The following P2RY8 variants were observed in gnomAD, a reference collection of about 807,000 sequenced individuals.
The protein encoded by P2RY8 is P2Y receptor family member 8, also known as S-geranylgeranyl-glutathione receptor P2RY8.
A neutral mutation model predicts 10.0 loss-of-function variants in P2RY8; 6 were observed. The observed-to-expected ratio is 0.60, with a 90% CI of 0.33 to 1.19. P2RY8 has a LOEUF of 1.19. P2RY8 is among the 50% of genes most tolerant of loss of function. The probability of loss-of-function intolerance (pLI) is 0.04; values close to 1 mark genes in which losing one functional copy is unlikely to be tolerated. For synonymous variants in P2RY8, 276 were observed against 252.5 expected (o/e 1.09, Z -0.88); for missense variants, 456 against 542.0 (o/e 0.84, Z 1.58).
At chrX:1,507,661 G>A (rs2092247378) in intron 1 of P2RY8, among the ~76,000 whole-genome samples, 1 of 152,100 alleles carries the variant, frequency 6.6e-6, no homozygotes, top group Non-Finnish European at 1.5e-5. Context: ...CCCTCCTGTT[G>A]GCGACGCGCG....
chrX:1,487,372 GT>G (rs1473670323), intron 1 of P2RY8, among the ~76,000 whole-genome samples: 1 of 151,960 alleles, frequency 6.6e-6, no homozygotes, highest in South Asian at 2.1e-4. Context: ...GTTTGCAAAC[GT>G]TTTTTTGTGC....
At chrX:1,498,938 G>A (rs773956150) in intron 1 of P2RY8, among the ~76,000 whole-genome samples, 2 of 151,638 alleles carry the variant, frequency 1.3e-5, no homozygotes, top group East Asian at 1.9e-4. Flanking sequence ...GAGTTCAAGC[G>A]ATTCTCCTGC....
In P2RY8 at chrX:1,465,355, C is replaced by A; in HGVS notation, c.*124G>T. On this transcript the variant is annotated 3_prime_UTR_variant, in exon 2 of 2. Transcript: ENST00000381297. ...ATAAAGCCTGGAGACCCTTCCCCACCGGGCCTCTGCAGTGCCTGGGAGCAA... is the reference window on the plus strand; with the variant it reads ...ATAAAGCCTGGAGACCCTTCCCCACAGGGCCTCTGCAGTGCCTGGGAGCAA... 1 of 1,453,626 alleles carries A rather than the reference C, an allele frequency of 6.9e-7. No individual in the cohort carries two copies. The highest frequency in any genetic ancestry group is 1.4e-5 in the South Asian group (1 of 72,928). 90.0% of individuals were successfully genotyped at this position (1,453,626 alleles called of 1,614,324 possible).
At position 1,506,717 on chromosome X, in the gene P2RY8, G is replaced by A. The variant is rs1163892222; in HGVS notation, c.-25+30204C>T. Among the ~76,000 whole-genome samples the A allele has an allele frequency of 9.4e-5, 14 of 149,202 alleles. No homozygotes were observed. In the East Asian group the frequency reaches 9.8e-4, roughly 10 times the overall value. ...TTTTGAGATGGAGTCTTGCTCTGTC[G>A]CCCAGGCTGGAGTGCAGTGGCGCAA... On this transcript the variant is annotated intron_variant, in intron 1 of 1. Transcript: ENST00000381297.
rs1169304028 is a variant in P2RY8, at chrX:1,527,634, T to C, written c.-25+9287A>G. On this transcript the variant is annotated intron_variant, in intron 1 of 1. Transcript: ENST00000381297. ...TCCATTTATTCATTCATCTACTCAT[T>C]CATTCATCCATCCAATCATCCCTTC... 3.9e-5 allele frequency among the ~76,000 whole-genome samples: 6 copies of C among 151,910 alleles called. No individual in the cohort carries two copies. The East Asian group carries it at 1.2e-3, about 29-fold the overall frequency.
chrX:1,472,207 T>C (rs1251586948), intron 1 of P2RY8, among the ~76,000 whole-genome samples: 8 of 151,884 alleles, frequency 5.3e-5, no homozygotes, highest in African/African-American at 1.9e-4. Flanking sequence ...ATGTCATTAG[T>C]GAAGTCAAAA....
intron 1 of P2RY8, among the ~76,000 whole-genome samples, chrX:1,481,785 AG>A (rs1392675362): frequency 6.6e-6 from 1 of 152,210 alleles, no homozygotes; most frequent in Non-Finnish European, 1.5e-5. Flanking sequence ...CACCAGCCCC[AG>A]TGAACTGGCA....
chrX:1,521,770 G>A (rs1382260423), intron 1 of P2RY8, among the ~76,000 whole-genome samples: 1 of 151,942 alleles, frequency 6.6e-6, no homozygotes, highest in African/African-American at 2.4e-5. Flanking sequence ...ATTTGGTGGA[G>A]GTTTCAGAAA....
intron 1 of P2RY8, among the ~76,000 whole-genome samples, chrX:1,528,231 G>A (rs4634837): frequency 0.97 from 147,255 of 152,312 alleles, 71,399 homozygotes; most frequent in East Asian, 1. Context: ...GTGCCTGGGA[G>A]GCCTCCAGCT....
chrX:1,506,784 T>G (rs1183419605), intron 1 of P2RY8, among the ~76,000 whole-genome samples: 16 of 151,940 alleles, frequency 1.1e-4, no homozygotes, highest in Non-Finnish European at 2.2e-4. Context: ...TTGAAGTGAT[T>G]CTTCTGCCTC....
intron 1 of P2RY8, among the ~76,000 whole-genome samples, chrX:1,484,455 G>A (rs1380285728): frequency 7.9e-5 from 12 of 151,958 alleles, no homozygotes; most frequent in South Asian, 4.1e-4. Flanking sequence ...GGCCGGGCGC[G>A]GTGGCTCACG....
intron 1 of P2RY8, among the ~76,000 whole-genome samples, chrX:1,495,408 G>A (rs1266364779): frequency 5.3e-5 from 8 of 152,032 alleles, no homozygotes; most frequent in Admixed American, 1.3e-4. Context: ...CAATAGGACC[G>A]GTGTCCTCAT....
chrX:1,527,738 C>T (rs1408444632), intron 1 of P2RY8, among the ~76,000 whole-genome samples: 1 of 152,100 alleles, frequency 6.6e-6, no homozygotes, highest in Admixed American at 6.6e-5. Context: ...TCCATTCATC[C>T]ATTCATCCAC....
At chrX:1,524,365 C>G (rs865903690) in intron 1 of P2RY8, among the ~76,000 whole-genome samples, 4 of 129,112 alleles carry the variant, frequency 3.1e-5, no homozygotes, top group Non-Finnish European at 7.1e-5. Flanking sequence ...ATCCATCCAT[C>G]CATCCACTCA....
intron 1 of P2RY8, among the ~76,000 whole-genome samples, chrX:1,498,808 G>A (rs1461280637): frequency 6.6e-6 from 1 of 151,134 alleles, no homozygotes; most frequent in East Asian, 2.0e-4. Flanking sequence ...AAAGTTCTGG[G>A]ATGACAGGTG....
Position 1,492,894 on chromosome X carries a change from G to T in P2RY8, c.-24-26312C>A, listed in dbSNP as rs1207795745. ...TCAAGGCTAACGAGCAGCACTCAGC[G>T]CCCACCTCTGCCTCTTTCTGGTTGT... is the stretch of plus-strand genomic sequence containing the variant. On this transcript the variant is annotated intron_variant, in intron 1 of 1. Coordinates refer to ENST00000381297, the MANE Select transcript of P2RY8 (RefSeq NM_178129.5). 9.6e-4 allele frequency among the ~76,000 whole-genome samples: 146 copies of T among 152,028 alleles called. 1 individual carries two copies. Among genetic ancestry groups the T allele is most frequent in the Non-Finnish European group, 1.8e-3 (123 of 67,976 alleles).
chrX:1,504,075 T>C (rs746637448), intron 1 of P2RY8, among the ~76,000 whole-genome samples: 6 of 151,870 alleles, frequency 4.0e-5, no homozygotes, highest in Admixed American at 3.9e-4. Context: ...CCCAGCACTT[T>C]GGGAGGCCGA....
intron 1 of P2RY8, among the ~76,000 whole-genome samples, chrX:1,477,318 G>A (rs1233748126): frequency 4.4e-5 from 3 of 68,312 alleles, no homozygotes; most frequent in African/African-American, 1.9e-4. Flanking sequence ...TGCAACCCTT[G>A]ATCTATCATC....
chrX:1,488,065 G>A (rs6645254), intron 1 of P2RY8, among the ~76,000 whole-genome samples: 5 of 151,898 alleles, frequency 3.3e-5, no homozygotes, highest in East Asian at 1.9e-4. Context: ...AGCCAAGATC[G>A]TGCCGCTGCA....
Sources: allele counts gnomAD v4.1 joint callset (sites outside exome capture counted in the v4.1 genomes callset), GRCh38; gene constraint gnomAD v4.1.1; transcripts MANE v1.5; gene names NCBI Gene and HGNC (gene_info 2026-07-23, HGNC 2026-07-21).